EYS: variants seen among roughly 807,000 people sequenced by gnomAD.
EYS encodes the protein protein eyes shut homolog.
In EYS, 250 loss-of-function variants were observed where a neutral mutation model predicts 282.1. That is an observed-to-expected ratio of 0.89 (90% CI 0.80 to 0.98). EYS has a LOEUF of 0.98. Among genes scored for constraint, EYS ranks in the 50% least tolerant of loss-of-function variants. The probability of loss-of-function intolerance (pLI) is 0.00; values close to 1 mark genes in which losing one functional copy is unlikely to be tolerated. For missense variants in EYS, 4,016 were observed against 3,709.0 expected (o/e 1.08, Z -2.15); for synonymous variants, 1,355 against 1,282.9 (o/e 1.06, Z -1.20).
At chr6:63,867,602 T>A (rs975179550) in intron 35 of EYS, among the ~76,000 whole-genome samples, 6 of 152,148 alleles carry the variant, frequency 3.9e-5, no homozygotes, top group African/African-American at 1.4e-4. Flanking sequence ...GGAGACATCA[T>A]AAAGGCACGA....
intron 14 of EYS, among the ~76,000 whole-genome samples, chr6:64,972,430 C>T (rs892837792): frequency 6.6e-6 from 1 of 152,158 alleles, no homozygotes; most frequent in Non-Finnish European, 1.5e-5. Flanking sequence ...TCCTGCCTCT[C>T]CTTCCACCTC....
In EYS at chr6:64,186,912, G is replaced by T. The variant is rs143775841; in HGVS notation, c.6424+43680C>A. Among the ~76,000 whole-genome samples, 520 of 152,234 alleles carry T rather than the reference G, an allele frequency of 3.4e-3. 3 individuals are homozygous for T. Among genetic ancestry groups the T allele is most frequent in the African/African-American group, 0.012 (479 of 41,558 alleles). On this transcript the variant is annotated intron_variant, in intron 31 of 42. Transcript: ENST00000503581. The stretch of plus-strand genomic sequence containing the variant: ...CGCTTTCCATACAGAGTACTTAGTT[G>T]TACTGTTTTCTTATCCCCGCTCCGA...
At chr6:64,118,301 T>G (rs910826161) in intron 31 of EYS, among the ~76,000 whole-genome samples, 2 of 152,054 alleles carry the variant, frequency 1.3e-5, no homozygotes, top group African/African-American at 4.8e-5. Flanking sequence ...TACAGAGCTA[T>G]AGTAACCAAA....
chr6:65,555,197 C>A (rs1367460383), intron 2 of EYS, among the ~76,000 whole-genome samples: 1 of 151,942 alleles, frequency 6.6e-6, no homozygotes, highest in Non-Finnish European at 1.5e-5. Flanking sequence ...TTTTCATTAT[C>A]TTTATGGTAC....
chr6:64,661,470 A>AT, intron 22 of EYS, among the ~76,000 whole-genome samples: 1 of 152,270 alleles, frequency 6.6e-6, no homozygotes, highest in Admixed American at 6.5e-5. Flanking sequence ...ATGGGAGAAA[A>AT]TTTTTGCAAT....
intron 29 of EYS, among the ~76,000 whole-genome samples, chr6:64,357,875 G>A (rs980955972): frequency 2.0e-5 from 3 of 151,566 alleles, no homozygotes; most frequent in Non-Finnish European, 4.4e-5. Context: ...CACTGATGTA[G>A]TCTAATGCCA....
intron 22 of EYS, among the ~76,000 whole-genome samples, chr6:64,761,526 G>C (rs1332179621): frequency 1.3e-5 from 2 of 152,072 alleles, no homozygotes; most frequent in Non-Finnish European, 2.9e-5. Context: ...CTGTGGCCAG[G>C]CTGGAATGCA....
At chr6:64,296,585 C>CAT (rs1233755384) in intron 30 of EYS, among the ~76,000 whole-genome samples, 1 of 8,138 alleles carries the variant, frequency 1.2e-4, no homozygotes, top group Non-Finnish European at 2.1e-4. Context: ...TATATATATA[C>CAT]ATATATATAT....
intron 12 of EYS, among the ~76,000 whole-genome samples, chr6:65,166,996 C>T (rs1321243358): frequency 6.6e-6 from 1 of 151,086 alleles, no homozygotes; most frequent in African/African-American, 2.4e-5. Context: ...TAACGAAATA[C>T]CCCTTCACAC....
At chr6:63,898,593 C>T (rs1254054045) in intron 35 of EYS, among the ~76,000 whole-genome samples, 1 of 151,852 alleles carries the variant, frequency 6.6e-6, no homozygotes, top group Admixed American at 6.6e-5. Context: ...AATTTTTAAA[C>T]AATCTTTTTC....
At chr6:64,117,349 A>C (rs1411775535) in intron 31 of EYS, among the ~76,000 whole-genome samples, 2 of 146,510 alleles carry the variant, frequency 1.4e-5, no homozygotes, top group East Asian at 4.2e-4. Flanking sequence ...AATTAGTAGA[A>C]GGAAATAACA....
chr6:64,753,764 T>A (rs1213261156), intron 22 of EYS, among the ~76,000 whole-genome samples: 1 of 151,960 alleles, frequency 6.6e-6, no homozygotes, highest in Non-Finnish European at 1.5e-5. Context: ...ACCTAATAGA[T>A]GTCTACAGAA....
intron 12 of EYS, among the ~76,000 whole-genome samples, chr6:65,090,014 C>CA (rs1282569989): frequency 7.1e-6 from 1 of 141,832 alleles, no homozygotes; most frequent in Non-Finnish European, 1.6e-5. Context: ...CACAAACACA[C>CA]ACACACACTT....
chr6:65,171,185 C>T (rs544050514), intron 12 of EYS, among the ~76,000 whole-genome samples: 61 of 151,496 alleles, frequency 4.0e-4, no homozygotes, highest in Non-Finnish European at 4.4e-4. Flanking sequence ...CCAAACCAAA[C>T]CAGTTTCCTG....
chr6:64,408,539 C>G (rs538503745), intron 28 of EYS, among the ~76,000 whole-genome samples: 1 of 152,222 alleles, frequency 6.6e-6, no homozygotes, highest in African/African-American at 2.4e-5. Flanking sequence ...AGCTGGGGTA[C>G]AGGGATAGTA....
chr6:64,073,058 C>T lies in EYS; in HGVS notation c.6572-6567G>A, dbSNP rs192119369. On this transcript the variant is annotated intron_variant, in intron 32 of 42. Coordinates refer to ENST00000503581, the MANE Select transcript of EYS (RefSeq NM_001142800.2). ...AGATGAATAGTCTTATTCAAGTATACCAACATCCCATTATGGACTGTAGCT... is the reference window on the plus strand; with the variant it reads ...AGATGAATAGTCTTATTCAAGTATATCAACATCCCATTATGGACTGTAGCT... Among the ~76,000 whole-genome samples, 35 of 151,906 alleles carry T rather than the reference C, an allele frequency of 2.3e-4. 1 individual carries two copies. The highest frequency in any genetic ancestry group is 7.7e-4 in the African/African-American group (32 of 41,488).
intron 12 of EYS, among the ~76,000 whole-genome samples, chr6:65,286,686 A>G (rs1223190125): frequency 6.6e-6 from 1 of 151,718 alleles, no homozygotes; most frequent in African/African-American, 2.4e-5. Flanking sequence ...AAAAGGGAAG[A>G]AAAACAAGCT....
In EYS at chr6:64,986,513, T is replaced by TTTA. The variant is rs373684376; in HGVS notation, c.2259+11068_2259+11069insTAA. 1.9e-3 allele frequency among the ~76,000 whole-genome samples: 284 copies of TTTA among 150,218 alleles called. 1 individual carries two copies. Among genetic ancestry groups the TTTA allele is most frequent in the Middle Eastern group, 3.4e-3 (1 of 290 alleles). ...GGCAGTCCTATGCAATTTTTTTTTT[T>TTTA]CTAATACTTCATGGTGTTTCCTGCA... On this transcript the variant is annotated intron_variant, in intron 14 of 42. Transcript: ENST00000503581.
At chr6:65,276,553 T>G (rs1291166640) in intron 12 of EYS, among the ~76,000 whole-genome samples, 2 of 152,186 alleles carry the variant, frequency 1.3e-5, no homozygotes, top group African/African-American at 4.8e-5. Flanking sequence ...TAGATTGGTC[T>G]ACTGTTTTAC....
Sources: gnomAD v4.1 joint callset for allele counts (sites outside exome capture counted in the v4.1 genomes callset) on GRCh38, gnomAD v4.1.1 for gene constraint, MANE v1.5 for transcripts, NCBI Gene and HGNC (gene_info 2026-07-23, HGNC 2026-07-21) for gene names.